The following MTMR7 variants were observed in gnomAD, a reference collection of about 807,000 sequenced individuals.
MTMR7 encodes the protein myotubularin related protein 7.
MTMR7 carries 76 observed loss-of-function variants against 81.2 expected under a neutral mutation model. That is an observed-to-expected ratio of 0.94 (90% CI 0.78 to 1.13). The LOEUF (loss-of-function observed/expected upper bound fraction) is 1.13, where lower values mean the gene tolerates loss of function less well. Ranked by LOEUF, MTMR7 falls within the 50% of genes most tolerant of loss-of-function variation. The pLI, the probability that MTMR7 is intolerant of heterozygous loss-of-function variation, is 0.00. For synonymous variants in MTMR7, 372 were observed against 289.8 expected (o/e 1.28, Z -2.88); for missense variants, 1,044 against 820.0 (o/e 1.27, Z -3.34).
chr8:17,348,718 G>T (rs1193154812), intron 5 of MTMR7, among the ~76,000 whole-genome samples: 2 of 152,072 alleles, frequency 1.3e-5, no homozygotes, highest in Non-Finnish European at 2.9e-5. Context: ...GGGGTTTTCT[G>T]AATCTATTGA....
At position 17,300,101 on chromosome 8, in the gene MTMR7, A is replaced by T; in HGVS notation, c.1744T>A (p.Tyr582Asn). The T allele has an allele frequency of 6.2e-7, 1 of 1,614,154 alleles. No homozygotes were observed. The highest frequency in any genetic ancestry group is 8.5e-7 in the Non-Finnish European group (1 of 1,180,018). ...GGAAATGATTTCATATTCCCACTGT[A>T]ATCCTGGGGAGTGTTGGCTATGCTG... ...DNSIANTPQDYSGNMKSFPSR... is the reference protein window; with the variant it reads ...DNSIANTPQDNSGNMKSFPSR... The change falls in exon 14 of 14, where the codon TAC becomes AAC. Residue 582 changes from tyrosine (Y) to asparagine (N), a missense_variant. Tyr to Asn is a moderately radical substitution (Grantham distance 143). Transcript: ENST00000180173.
At chr8:17,387,227 T>C (rs1585114123) in intron 1 of MTMR7, among the ~76,000 whole-genome samples, 1 of 152,246 alleles carries the variant, frequency 6.6e-6, no homozygotes, top group African/African-American at 2.4e-5. Flanking sequence ...TATTCTGATG[T>C]ACCAGCATCT....
chr8:17,373,763 C>A (rs956639332), intron 1 of MTMR7, among the ~76,000 whole-genome samples: 5 of 152,094 alleles, frequency 3.3e-5, no homozygotes, highest in African/African-American at 1.2e-4. Flanking sequence ...GGAAAACATA[C>A]CATCTCAAGA....
chr8:17,352,200 A>T (rs1489881354), intron 4 of MTMR7, among the ~76,000 whole-genome samples: 2 of 152,208 alleles, frequency 1.3e-5, no homozygotes. Context: ...GTACAAAGCC[A>T]TATCTATTTT....
At chr8:17,392,115 T>A (rs1821126558) in intron 1 of MTMR7, among the ~76,000 whole-genome samples, 1 of 152,132 alleles carries the variant, frequency 6.6e-6, no homozygotes, top group African/African-American at 2.4e-5. Context: ...GGTCAAGAGG[T>A]TTAATTTCAA....
intron 10 of MTMR7, among the ~76,000 whole-genome samples, chr8:17,307,875 C>G (rs1276700701): frequency 8.1e-6 from 1 of 123,344 alleles, no homozygotes; most frequent in Non-Finnish European, 1.7e-5. Flanking sequence ...CATCACACAC[C>G]GGGGACTGTT....
intron 6 of MTMR7, among the ~76,000 whole-genome samples, chr8:17,339,390 A>G (rs1165813764): frequency 6.6e-6 from 1 of 152,144 alleles, no homozygotes; most frequent in African/African-American, 2.4e-5. Flanking sequence ...CCATCACCCT[A>G]AAGAGACATC....
chr8:17,349,318 G>C, intron 4 of MTMR7: 1 of 385,450 alleles, frequency 2.6e-6, no homozygotes, highest in Non-Finnish European at 4.8e-6. Flanking sequence ...CCCGTGCACT[G>C]TCCCCTCTCT....
intron 1 of MTMR7, among the ~76,000 whole-genome samples, chr8:17,402,283 T>A (rs969985287): frequency 2.0e-5 from 3 of 152,038 alleles, no homozygotes; most frequent in Non-Finnish European, 4.4e-5. Flanking sequence ...AATGCTAAAT[T>A]ATTATTATTT....
At chr8:17,340,669 G>C (rs1401663277) in intron 6 of MTMR7, among the ~76,000 whole-genome samples, 1 of 152,142 alleles carries the variant, frequency 6.6e-6, no homozygotes, top group Non-Finnish European at 1.5e-5. Context: ...TTGATGTCTA[G>C]ATATATTATT....
chr8:17,317,876 T>A (rs1380117263), intron 7 of MTMR7, among the ~76,000 whole-genome samples: 1 of 152,206 alleles, frequency 6.6e-6, no homozygotes, highest in African/African-American at 2.4e-5. Flanking sequence ...TTCCATGACC[T>A]CCTCTTTCAA....
chr8:17,311,921 C>T (rs1817803490), intron 8 of MTMR7: 1 of 296,710 alleles, frequency 3.4e-6, no homozygotes, highest in Non-Finnish European at 6.3e-6. Context: ...TGCAAACGGA[C>T]CTTCAACCCT....
Position 17,302,183 on chromosome 8 carries a change from G to A in MTMR7, c.1591C>T (p.Leu531=). The change falls in exon 13 of 14, where the codon CTA becomes TTA. Residue 531 remains leucine, a synonymous_variant. Coordinates refer to ENST00000180173, the MANE Select transcript of MTMR7 (RefSeq NM_004686.5). ...TCCAGGGCCTCTAGTTCTTCCTCTA[G>A]CTGCTGAGTTTCTTCCTTCACTGCC... is the stretch of plus-strand genomic sequence containing the variant. ...LMAVKEETQQ[L]EEELEALEER... The A allele has an allele frequency of 6.2e-7, 1 of 1,614,062 alleles. No individual in the cohort carries two copies. The highest frequency in any genetic ancestry group is 1.1e-5 in the South Asian group (1 of 91,080).
rs1397789228 is a variant in MTMR7 at position 17,341,437 on chromosome 8, C to T, written c.658G>A (p.Glu220Lys). The T allele has an allele frequency of 1.9e-6, 3 of 1,614,160 alleles. No homozygotes were observed. The highest frequency in any genetic ancestry group is 2.2e-5 in the South Asian group (2 of 91,060). ...SGFSARCLED[E>K]QMLQAIRKAN... Reference sequence around the variant, plus strand: ...TTCCTAATGGCCTGGAGCATCTGCTCGTCCTCTAGGCACCGGGCACTGAAG... The same window carrying T: ...TTCCTAATGGCCTGGAGCATCTGCTTGTCCTCTAGGCACCGGGCACTGAAG... The change falls in exon 6 of 14, where the codon GAG becomes AAG. Residue 220 changes from glutamate (E) to lysine (K), a missense_variant. Transcript: ENST00000180173.
chr8:17,353,790 G>C (rs1276608443), intron 4 of MTMR7, among the ~76,000 whole-genome samples: 2 of 152,152 alleles, frequency 1.3e-5, no homozygotes, highest in African/African-American at 4.8e-5. Flanking sequence ...GATTTTCTTT[G>C]TGCTCCACTA....
chr8:17,318,436 G>C (rs924473650), intron 7 of MTMR7, among the ~76,000 whole-genome samples: 1 of 152,118 alleles, frequency 6.6e-6, no homozygotes, highest in South Asian at 2.1e-4. Context: ...AGCACCCCAA[G>C]ACCCCGATAT....
intron 3 of MTMR7, among the ~76,000 whole-genome samples, 188 bp downstream of exon 3, chr8:17,370,849 C>T (rs895506890): frequency 6.6e-6 from 1 of 151,992 alleles, no homozygotes; most frequent in Admixed American, 6.6e-5. Context: ...ATAAATAACT[C>T]GGGGGAGACT....
chr8:17,311,182 G>C (rs1320182283), intron 9 of MTMR7, among the ~76,000 whole-genome samples: 2 of 152,052 alleles, frequency 1.3e-5, no homozygotes, highest in African/African-American at 4.8e-5. Context: ...ACATATTCAT[G>C]TTACCTCAAA....
At chr8:17,335,958 G>GC (rs1340717592) in intron 6 of MTMR7, among the ~76,000 whole-genome samples, 1 of 152,166 alleles carries the variant, frequency 6.6e-6, no homozygotes, top group African/African-American at 2.4e-5. Flanking sequence ...TTTATTGTAG[G>GC]CCCTATCTGT....
Sources: allele counts gnomAD v4.1 joint callset (sites outside exome capture counted in the v4.1 genomes callset), GRCh38; gene constraint gnomAD v4.1.1; transcripts MANE v1.5; gene names NCBI Gene and HGNC (gene_info 2026-07-23, HGNC 2026-07-21).